The following AGMO variants were observed in gnomAD, a reference collection of about 807,000 sequenced individuals.
AGMO encodes the protein glyceryl-ether monooxygenase.
In AGMO, 75 loss-of-function variants were observed where a neutral mutation model predicts 60.2. The ratio of observed to expected loss-of-function variants is 1.25; its 90% CI spans 1.03 to 1.51. The LOEUF is 1.51. Ranked by LOEUF, AGMO falls within the 40% of genes most tolerant of loss-of-function variation. The pLI is 0.00. For synonymous variants in AGMO, 261 were observed against 177.1 expected, an observed-to-expected ratio of 1.47 and a Z score of -3.76; for missense variants, 763 against 525.5, an observed-to-expected ratio of 1.45 and a Z score of -4.42.
intron 12 of AGMO, among the ~76,000 whole-genome samples, chr7:15,275,841 T>G (rs1783770821): frequency 6.6e-6 from 1 of 152,180 alleles, no homozygotes; most frequent in Admixed American, 6.6e-5. Flanking sequence ...TTTTATCTGA[T>G]ATAATAATGG....
chr7:15,357,789 G>A (rs1369668588), intron 12 of AGMO, among the ~76,000 whole-genome samples: 1 of 152,194 alleles, frequency 6.6e-6, no homozygotes. Context: ...GAATACTGCT[G>A]AATGAGTAGG....
At chr7:15,143,493 C>G in the AGMO span, among the ~76,000 whole-genome samples, 1 of 152,136 alleles carries the variant, frequency 6.6e-6, no homozygotes, top group Non-Finnish European at 1.5e-5. Flanking sequence ...ACTGAACATG[C>G]AGACTGTTGT....
At chr7:15,442,836 A>C (rs1283460082) in intron 3 of AGMO, among the ~76,000 whole-genome samples, 1 of 152,128 alleles carries the variant, frequency 6.6e-6, no homozygotes, top group Non-Finnish European at 1.5e-5. Context: ...GCAGCTGGAC[A>C]TCGAGAGGAA....
chr7:15,247,414 TCACACACACACACACACACACACA>T (rs71525649), intron 12 of AGMO, among the ~76,000 whole-genome samples: 2 of 123,732 alleles, frequency 1.6e-5, no homozygotes, highest in Admixed American at 1.7e-4. Flanking sequence ...CTTGGAGATT[TCACACACACACACACACACACACA>T]CACACACACA....
chr7:15,255,037 G>A (rs536243249), intron 12 of AGMO, among the ~76,000 whole-genome samples: 1 of 151,978 alleles, frequency 6.6e-6, no homozygotes, highest in Non-Finnish European at 1.5e-5. Flanking sequence ...CATAAAAAAA[G>A]ATGAGTTCAT....
intron 12 of AGMO, among the ~76,000 whole-genome samples, chr7:15,229,882 G>A (rs1341497409): frequency 1.3e-5 from 2 of 151,124 alleles, no homozygotes; most frequent in Non-Finnish European, 2.9e-5. Flanking sequence ...ATGTTATTCT[G>A]TAAAAGGAAT....
intron 5 of AGMO, 79 bp from the exon 6 acceptor site, chr7:15,394,258 C>T (rs1784276818): frequency 1.8e-6 from 2 of 1,096,054 alleles, no homozygotes; most frequent in Non-Finnish European, 2.7e-6. Flanking sequence ...ACATTAGAAA[C>T]TCACATAAAT....
chr7:15,550,148 C>G (rs1310595562), intron 2 of AGMO, among the ~76,000 whole-genome samples: 1 of 151,716 alleles, frequency 6.6e-6, no homozygotes, highest in African/African-American at 2.4e-5. Flanking sequence ...ACCAGAATCT[C>G]TGGGATGCAT....
chr7:15,270,123 A>AC (rs762499217), intron 12 of AGMO, among the ~76,000 whole-genome samples: 25 of 152,046 alleles, frequency 1.6e-4, no homozygotes, highest in Non-Finnish European at 3.1e-4. Context: ...GTGACTAGAT[A>AC]CCCCCATGGT....
At chr7:15,140,735 C>T in the AGMO span, among the ~76,000 whole-genome samples, 1 of 151,958 alleles carries the variant, frequency 6.6e-6, no homozygotes, top group Non-Finnish European at 1.5e-5. Flanking sequence ...TATTTTGGTT[C>T]TTTCAAATTT....
rs374380435 is a variant in AGMO, at chr7:15,254,530, A to T, written c.1264-53171T>A. On this transcript the variant is annotated intron_variant, in intron 12 of 12. Coordinates refer to ENST00000342526, the MANE Select transcript of AGMO (RefSeq NM_001004320.2). ...TCATACACCTATTGGTCATTTCTTT[A>T]TAGAAATGTTTGTTGAGGTCTTTTG... Among the ~76,000 whole-genome samples the T allele has an allele frequency of 3.9e-5, 6 of 152,242 alleles. No individual in the cohort carries two copies. The East Asian group carries it at 7.7e-4, about 20-fold the overall frequency.
At chr7:15,341,478 T>A (rs1781844645) in intron 12 of AGMO, among the ~76,000 whole-genome samples, 1 of 152,158 alleles carries the variant, frequency 6.6e-6, no homozygotes, top group South Asian at 2.1e-4. Context: ...ATTGTCCATA[T>A]CACTATCAGC....
At chr7:15,267,298 C>T (rs1294733851) in intron 12 of AGMO, among the ~76,000 whole-genome samples, 4 of 151,864 alleles carry the variant, frequency 2.6e-5, no homozygotes, top group African/African-American at 9.7e-5. Flanking sequence ...ACTGACTACA[C>T]TGAAATGTTC....
chr7:15,134,871 T>G, the AGMO span, among the ~76,000 whole-genome samples: 1 of 152,072 alleles, frequency 6.6e-6, no homozygotes, highest in Non-Finnish European at 1.5e-5. Context: ...GCAATTTAAC[T>G]AGGGAATTAA....
chr7:15,170,113 T>C, the AGMO span, among the ~76,000 whole-genome samples: 16 of 152,192 alleles, frequency 1.1e-4, no homozygotes, highest in Non-Finnish European at 2.2e-4. Flanking sequence ...CAGGTTGTCA[T>C]GTAATTAATG....
rs776879594 is a variant in AGMO at position 15,394,164 on chromosome 7, CAAGGTT to C, written c.619_624del (p.Asn207_Leu208del). On this transcript the variant is annotated inframe_deletion, in exon 6 of 13. Coordinates refer to ENST00000342526, the MANE Select transcript of AGMO (RefSeq NM_001004320.2). The stretch of plus-strand genomic sequence containing the variant: ...GTATTAAGAATCAGTTCCAAAGGAC[CAAGGTT>C]ATTGATGACCTGTTTAAAACAGAAG... 1.2e-6 allele frequency: 2 copies of C among 1,610,200 alleles called. No individual in the cohort carries two copies. Among genetic ancestry groups the C allele is most frequent in the East Asian group, 4.5e-5 (2 of 44,800 alleles).
chr7:15,431,146 A>G, intron 3 of AGMO, 38 bp from the exon 4 acceptor site: 1 of 1,466,548 alleles, frequency 6.8e-7, no homozygotes, highest in Non-Finnish European at 9.5e-7. Context: ...CATGAGAATA[A>G]GAACAAAGCA....
intron 12 of AGMO, among the ~76,000 whole-genome samples, chr7:15,336,256 T>C (rs1180135515): frequency 6.6e-6 from 1 of 151,824 alleles, no homozygotes; most frequent in East Asian, 1.9e-4. Flanking sequence ...AAAAAAAAAA[T>C]TATGCTCTTA....
chr7:15,384,706 A>G (rs914492091), intron 10 of AGMO, among the ~76,000 whole-genome samples: 8 of 151,668 alleles, frequency 5.3e-5, no homozygotes, highest in African/African-American at 1.9e-4. Flanking sequence ...TCTATTTTCT[A>G]CTTCACCTAC....
Sources: gnomAD v4.1 joint callset for allele counts (sites outside exome capture counted in the v4.1 genomes callset) on GRCh38, gnomAD v4.1.1 for gene constraint, MANE v1.5 for transcripts, NCBI Gene and HGNC (gene_info 2026-07-23, HGNC 2026-07-21) for gene names.